The following FAM53C variants were observed in gnomAD, a reference collection of about 807,000 sequenced individuals.
FAM53C encodes the protein family with sequence similarity 53 member C, also known as protein FAM53C.
A neutral mutation model predicts 34.7 loss-of-function variants in FAM53C; 10 were observed. The ratio of observed to expected loss-of-function variants is 0.29; its 90% CI spans 0.18 to 0.49. The LOEUF is 0.49. FAM53C is among the 20% of genes least tolerant of loss of function. The pLI is 0.99. For synonymous variants in FAM53C, 203 were observed against 203.6 expected, an observed-to-expected ratio of 1.00 and a Z score of 0.03; for missense variants, 442 against 515.3, an observed-to-expected ratio of 0.86 and a Z score of 1.38.
In FAM53C at chr5:138,345,235, G is replaced by T. The variant is rs747407750; in HGVS notation, c.547G>T (p.Ala183Ser). Residue 183 changes from alanine to serine, a missense_variant, in exon 4 of 5, where the codon GCC becomes TCC. By Grantham distance (99) the Ala-to-Ser change is moderately conservative (BLOSUM62 1). Coordinates refer to ENST00000239906, the MANE Select transcript of FAM53C (RefSeq NM_016605.3). This position sits in a 1 kb window ranked among gnomAD's most constrained non-coding sequence, Gnocchi z 6.3. The stretch of plus-strand genomic sequence containing the variant: ...AGCTCCCAGTGCCTCTTCTCAATGT[G>T]CCCCAGCTCACAGACCCTACAGCCC... ...LQAPSASSQC[A>S]PAHRPYSPPF... 3.1e-6 allele frequency: 5 copies of T among 1,614,194 alleles called. No individual in the cohort carries two copies. Among genetic ancestry groups the T allele is most frequent in the Non-Finnish European group, 4.2e-6 (5 of 1,180,044 alleles).
chr5:138,343,339 G>A (rs1236909116), intron 3 of FAM53C, among the ~76,000 whole-genome samples: 2 of 151,740 alleles, frequency 1.3e-5, no homozygotes, highest in African/African-American at 2.4e-5. Context: ...GTGAAACCCC[G>A]TCTCTATTAA....
At chr5:138,339,026 C>A (rs2126882656) in intron 1 of FAM53C, among the ~76,000 whole-genome samples, 1 of 152,244 alleles carries the variant, frequency 6.6e-6, no homozygotes, top group East Asian at 1.9e-4. Flanking sequence ...TTTTTGGGGG[C>A]TGCTGGTGGA....
rs1761219834 is a variant in FAM53C at position 138,347,682 on chromosome 5, C to T, written c.*723C>T. On this transcript the variant is annotated 3_prime_UTR_variant, in exon 5 of 5. Coordinates refer to ENST00000239906, the MANE Select transcript of FAM53C (RefSeq NM_016605.3). ...CTTTTCTTCAGCCCCACCCCCTCCC[C>T]ACTAGCTCGATCTAGTATATTGGGG... is the stretch of plus-strand genomic sequence containing the variant. 1 of 152,684 alleles carries T rather than the reference C, an allele frequency of 6.5e-6. No individual in the cohort carries two copies. The highest frequency in any genetic ancestry group is 2.1e-4 in the South Asian group (1 of 4,850). 9.5% of individuals were successfully genotyped at this position (152,684 alleles called of 1,614,324 possible).
chr5:138,344,486 A>G (rs534434231), intron 3 of FAM53C, among the ~76,000 whole-genome samples: 1 of 152,328 alleles, frequency 6.6e-6, no homozygotes, highest in South Asian at 2.1e-4. Context: ...GACTTCTTTT[A>G]CCTTTGAGAG....
At chr5:138,344,461 G>A (rs771402873) in intron 3 of FAM53C, among the ~76,000 whole-genome samples, 1 of 152,226 alleles carries the variant, frequency 6.6e-6, no homozygotes, top group African/African-American at 2.4e-5. Flanking sequence ...ACTCACAAAC[G>A]TGTTTGTTTC....
rs1580862442 is a variant in FAM53C, at chr5:138,348,079, T to A, written c.*1120T>A. 6.5e-6 allele frequency: 1 copy of A among 152,806 alleles called. No homozygotes were observed. Among genetic ancestry groups the A allele is most frequent in the Admixed American group, 6.5e-5 (1 of 15,298 alleles). 9.5% of individuals were successfully genotyped at this position (152,806 alleles called of 1,614,324 possible). ...ATTCTTACAAGATCCAGGCCCAGCC[T>A]TTTTGACCTGCTTGAGAGGGAAGAA... On this transcript the variant is annotated 3_prime_UTR_variant, in exon 5 of 5. Coordinates refer to ENST00000239906, the MANE Select transcript of FAM53C (RefSeq NM_016605.3).
At position 138,341,201 on chromosome 5, in the gene FAM53C, G is replaced by A; in HGVS notation, c.-135G>A. The A allele has an allele frequency of 1.3e-6, 1 of 798,628 alleles. No individual in the cohort carries two copies. The highest frequency in any genetic ancestry group is 2.3e-6 in the Non-Finnish European group (1 of 440,500). The allele number at this position is 798,628 out of a possible 1,614,324, so 49.5% of individuals were successfully genotyped here. A position where few individuals can be genotyped will look rare whatever the true frequency, so the allele number is the denominator to read the frequency against. On this transcript the variant is annotated 5_prime_UTR_variant, in exon 2 of 5. Transcript: ENST00000239906. ...ATTGGCAGACTCAGCAGGCATGACT[G>A]GAGAGGGAAGTCCCAATGGTGCTAG...
intron 1 of FAM53C, among the ~76,000 whole-genome samples, chr5:138,339,219 A>G (rs916324673): frequency 1.3e-5 from 2 of 152,188 alleles, no homozygotes; most frequent in African/African-American, 4.8e-5. Context: ...GGAAGGCGGC[A>G]AGAGAGGGCT....
chr5:138,341,757 T>G, intron 2 of FAM53C, 52 bp from the exon 3 acceptor site: 1 of 1,536,944 alleles, frequency 6.5e-7, no homozygotes, highest in Non-Finnish European at 9.0e-7. Flanking sequence ...TTCCTAGAAA[T>G]CTGTCAGTGT....
At position 138,347,645 on chromosome 5, in the gene FAM53C, T is replaced by C. The variant is rs1428106113; in HGVS notation, c.*686T>C. ...GCAGGGTGTTTTAAGTGCTGTGACT[T>C]CAGCTAATGATCTTTTCTTCAGCCC... is the stretch of plus-strand genomic sequence containing the variant. On this transcript the variant is annotated 3_prime_UTR_variant, in exon 5 of 5. Transcript: ENST00000239906. 6.6e-6 allele frequency: 1 copy of C among 152,360 alleles called. No individual in the cohort carries two copies. The highest frequency in any genetic ancestry group is 1.5e-5 in the Non-Finnish European group (1 of 68,292). 9.4% of individuals were successfully genotyped at this position (152,360 alleles called of 1,614,324 possible).
At chr5:138,338,930 G>A (rs1170099002) in intron 1 of FAM53C, among the ~76,000 whole-genome samples, 1 of 152,188 alleles carries the variant, frequency 6.6e-6, no homozygotes, top group African/African-American at 2.4e-5. Flanking sequence ...CCTTGTCTTG[G>A]TACAGCACAA....
intron 1 of FAM53C, among the ~76,000 whole-genome samples, chr5:138,340,321 C>G (rs907078414): frequency 2.0e-5 from 3 of 152,190 alleles, no homozygotes; most frequent in East Asian, 3.8e-4. Flanking sequence ...TACACACATT[C>G]TCTGGTAAGC....
Position 138,341,166 on chromosome 5 carries a change from G to A in FAM53C, c.-152-18G>A. 2 of 738,278 alleles carry A rather than the reference G, an allele frequency of 2.7e-6. No homozygotes were observed. The highest frequency in any genetic ancestry group is 5.0e-6 in the Non-Finnish European group (2 of 396,658). The allele number at this position is 738,278 out of a possible 1,614,324, so 45.7% of individuals were successfully genotyped here. On this transcript the variant is annotated intron_variant, in intron 1 of 4. Transcript: ENST00000239906. ...TGCATCTCTAATATCACTTGGGGCT[G>A]GTCCCTCTAATTGGCAGACTCAGCA...
At chr5:138,339,090 G>A (rs1010656905) in intron 1 of FAM53C, among the ~76,000 whole-genome samples, 7 of 152,150 alleles carry the variant, frequency 4.6e-5, no homozygotes, top group Non-Finnish European at 7.4e-5. Context: ...AGGGCCTAGC[G>A]GCCTGCTGCT....
chr5:138,337,720 G>A, upstream of FAM53C: 1 of 336,600 alleles, frequency 3.0e-6, no homozygotes, highest in Non-Finnish European at 5.8e-6. Context: ...AGGGGCTCCT[G>A]GGACTCCGAG....
rs112708613 is a variant in FAM53C at position 138,343,202 on chromosome 5, T to G, written c.136+1336T>G. 1.0e-3 allele frequency among the ~76,000 whole-genome samples: 154 copies of G among 152,010 alleles called. 4 individuals are homozygous for G. The highest frequency in any genetic ancestry group is 3.5e-3 in the African/African-American group (145 of 41,450). ...ATGTGCATTTAGGTTATTTCTAATCTTGTTTGGATACATAAAACTGTAGTG... is the reference window on the plus strand; with the variant it reads ...ATGTGCATTTAGGTTATTTCTAATCGTGTTTGGATACATAAAACTGTAGTG... On this transcript the variant is annotated intron_variant, in intron 3 of 4. Transcript: ENST00000239906.
At position 138,349,387 on chromosome 5, in the gene FAM53C, T is replaced by TTGTC. The variant is rs1227508309; in HGVS notation, c.*2428_*2429insTGTC. The stretch of plus-strand genomic sequence containing the variant: ...GGAGCACACCTCCAGGGCATGTGGC[T>TTGTC]GACACTGGGTCAATGTCTGCATCTG... On this transcript the variant is annotated 3_prime_UTR_variant, in exon 5 of 5. Transcript: ENST00000239906. The TTGTC allele has an allele frequency of 6.5e-6, 1 of 152,714 alleles. No individual in the cohort carries two copies. The highest frequency in any genetic ancestry group is 1.5e-5 in the Non-Finnish European group (1 of 68,064). The allele number at this position is 152,714 out of a possible 1,614,324, so 9.5% of individuals were successfully genotyped here. A position where few individuals can be genotyped will look rare whatever the true frequency, so the allele number is the denominator to read the frequency against.
In FAM53C at chr5:138,345,121, A is replaced by G. The variant is rs745391108; in HGVS notation, c.433A>G (p.Ile145Val). 8 of 1,613,800 alleles carry G rather than the reference A, an allele frequency of 5.0e-6. No individual in the cohort carries two copies. Among genetic ancestry groups the G allele is most frequent in the Admixed American group, 1.7e-5 (1 of 60,000 alleles). Residue 145 changes from isoleucine to valine, a missense_variant, in exon 4 of 5, where the codon ATA becomes GTA. Transcript: ENST00000239906. The surrounding 1 kb of genome is among the most constrained non-coding windows in gnomAD (Gnocchi z 6.3). ...RPAPSKLWTP[I>V]KHRGSGGGGG... is the part of the protein sequence containing the mutation. ...CGCCCCCTCCAAGCTGTGGACTCCCATAAAGCACCGGGGCAGTGGTGGAGG... is the reference window on the plus strand; with the variant it reads ...CGCCCCCTCCAAGCTGTGGACTCCCGTAAAGCACCGGGGCAGTGGTGGAGG...
chr5:138,347,186 C>A lies in FAM53C; in HGVS notation c.*227C>A. On this transcript the variant is annotated 3_prime_UTR_variant, in exon 5 of 5. Coordinates refer to ENST00000239906, the MANE Select transcript of FAM53C (RefSeq NM_016605.3). Reference sequence around the variant, plus strand: ...CGGGAGGGACAGCCCCAGAGCAGACCCTTCCTATGGCGGCCCTGAGTGTGA... The same window carrying A: ...CGGGAGGGACAGCCCCAGAGCAGACACTTCCTATGGCGGCCCTGAGTGTGA... 3 of 604,788 alleles carry A rather than the reference C, an allele frequency of 5.0e-6. No homozygotes were observed. Among genetic ancestry groups the A allele is most frequent in the Non-Finnish European group, 5.7e-6 (2 of 352,366 alleles). 37.5% of individuals were successfully genotyped at this position (604,788 alleles called of 1,614,324 possible).
Sources: allele counts gnomAD v4.1 joint callset (sites outside exome capture counted in the v4.1 genomes callset), GRCh38; gene constraint gnomAD v4.1.1; non-coding constraint Gnocchi (gnomAD v3.1); transcripts MANE v1.5; gene names NCBI Gene and HGNC (gene_info 2026-07-23, HGNC 2026-07-21).